TRIP11: variants seen among roughly 807,000 people sequenced by gnomAD.
The protein encoded by TRIP11 is thyroid hormone receptor interactor 11, also known as thyroid receptor-interacting protein 11.
A neutral mutation model predicts 223.1 loss-of-function variants in TRIP11; 148 were observed. The observed-to-expected ratio is 0.66, with a 90% CI of 0.58 to 0.76. The LOEUF (loss-of-function observed/expected upper bound fraction) is 0.76, where lower values mean the gene tolerates loss of function less well. TRIP11 is among the 30% of genes least tolerant of loss of function. The pLI is 0.00. For synonymous variants in TRIP11, 762 were observed against 772.6 expected (o/e 0.99, Z 0.23); for missense variants, 2,043 against 2,222.0 (o/e 0.92, Z 1.62).
chr14:92,033,132 T>C, intron 2 of TRIP11, 60 bp downstream of exon 2: 1 of 1,270,190 alleles, frequency 7.9e-7, no homozygotes, highest in East Asian at 2.3e-5. Context: ...CAAAGTAATG[T>C]TTGAGTAACC....
chr14:91,995,303 A>G, intron 14 of TRIP11, 49 bp downstream of exon 14: 1 of 1,608,714 alleles, frequency 6.2e-7, no homozygotes, highest in South Asian at 1.1e-5. Context: ...AGGCAAAATT[A>G]CCAATAACTA....
At chr14:91,972,433 T>C (rs1383768726) in intron 20 of TRIP11, among the ~76,000 whole-genome samples, 4 of 152,196 alleles carry the variant, frequency 2.6e-5, no homozygotes, top group Admixed American at 6.5e-5. Flanking sequence ...GAATAATTCA[T>C]AGCTGGTTAG....
chr14:92,035,440 A>G (rs1440856901), intron 1 of TRIP11, among the ~76,000 whole-genome samples: 1 of 151,860 alleles, frequency 6.6e-6, no homozygotes, highest in African/African-American at 2.4e-5. Context: ...ACTACAGTTT[A>G]TTAGGAGTGT....
At chr14:92,015,227 C>T (rs912435012) in intron 6 of TRIP11, among the ~76,000 whole-genome samples, 1 of 152,122 alleles carries the variant, frequency 6.6e-6, no homozygotes, top group African/African-American at 2.4e-5. Flanking sequence ...AGCAGAGGTG[C>T]CACTGCAAAT....
At chr14:91,979,644 C>T (rs2056511736) in intron 16 of TRIP11, among the ~76,000 whole-genome samples, 2 of 151,980 alleles carry the variant, frequency 1.3e-5, no homozygotes, top group African/African-American at 4.8e-5. Context: ...TTAGAATGTA[C>T]TCTGATATTT....
rs1245214072 is a variant in TRIP11 at position 92,006,227 on chromosome 14, G to A, written c.1749C>T (p.Asp583=). The A allele has an allele frequency of 5.0e-6, 8 of 1,612,726 alleles. No individual in the cohort carries two copies. The East Asian group carries it at 6.7e-5, about 14-fold the overall frequency. Residue 583 remains aspartate (D), a synonymous_variant, in exon 11 of 21, where the codon GAC becomes GAT. Transcript: ENST00000267622. ...GCTGATCTACTAAATTTTCTACTTT[G>A]TCCTCAAGTTTCTGCTTGGTTAAAT... ...DLHLTKQKLE[D]KVENLVDQLN...
intron 16 of TRIP11, among the ~76,000 whole-genome samples, chr14:91,979,595 A>G (rs1246581423): frequency 6.6e-6 from 1 of 152,160 alleles, no homozygotes; most frequent in Non-Finnish European, 1.5e-5. Flanking sequence ...AGCTAATGTG[A>G]TGTGGAATGC....
intron 15 of TRIP11, among the ~76,000 whole-genome samples, chr14:91,993,534 T>A (rs2056708068): frequency 6.7e-6 from 1 of 149,436 alleles, no homozygotes; most frequent in Non-Finnish European, 1.5e-5. Flanking sequence ...ATAGATTAAT[T>A]TGGGTGTTTT....
At position 92,007,598 on chromosome 14, in the gene TRIP11, T is replaced by G. The variant is rs1566862009; in HGVS notation, c.1527+42A>C. 3 of 1,590,566 alleles carry G rather than the reference T, an allele frequency of 1.9e-6. No homozygotes were observed. In the East Asian group the frequency reaches 6.7e-5, roughly 36 times the overall value. On this transcript the variant is annotated intron_variant, in intron 10 of 20. Transcript: ENST00000267622. ...CCCACCATTTCTGTGTTTAGTTTAC[T>G]TAGTAGAATGTGCTGCCTTACTGTA...
rs2056469147 is a variant in TRIP11, at chr14:91,976,680, A to T, written c.5261-491T>A. Among the ~76,000 whole-genome samples the T allele has an allele frequency of 2.0e-5, 3 of 152,340 alleles. No individual in the cohort carries two copies. The South Asian group carries it at 6.2e-4, about 32-fold the overall frequency. On this transcript the variant is annotated intron_variant, in intron 16 of 20. Transcript: ENST00000267622. ...TGGCTCAGGATGCAGTGGATAGGAC[A>T]AACTATTATGGGGGTAAGGAAATTG...
At position 92,005,863 on chromosome 14, in the gene TRIP11, G is replaced by A. The variant is rs779977215; in HGVS notation, c.2113C>T (p.Leu705=). Reference sequence around the variant, plus strand: ...GTCTCCACAATAGTGTTTTTTTCCAGAGAAAGCTGATTGTTACCAGCAAGA... The same window carrying A: ...GTCTCCACAATAGTGTTTTTTTCCAAAGAAAGCTGATTGTTACCAGCAAGA... ...ECLAGNNQLS[L]EKNTIVETLK... Residue 705 remains leucine, a synonymous_variant, in exon 11 of 21, where the codon CTG becomes TTG. Transcript: ENST00000267622. The A allele has an allele frequency of 6.2e-6, 10 of 1,613,928 alleles. No homozygotes were observed. In the South Asian group the frequency reaches 8.8e-5, roughly 14 times the overall value.
rs557265184 is a variant in TRIP11 at position 91,967,851 on chromosome 14, C to T, written c.*1822G>A. 69 of 198,996 alleles carry T rather than the reference C, an allele frequency of 3.5e-4. 1 individual carries two copies. Among genetic ancestry groups the T allele is most frequent in the Non-Finnish European group, 3.1e-4 (30 of 96,408 alleles). The allele number at this position is 198,996 out of a possible 1,614,324, so 12.3% of individuals were successfully genotyped here. A position where few individuals can be genotyped will look rare whatever the true frequency, so the allele number is the denominator to read the frequency against. ...TATCTTTGTTAGGAGCATATAAAAA[C>T]CAAGGAGTAACAACTCACAGAGAAA... On this transcript the variant is annotated 3_prime_UTR_variant, in exon 21 of 21. Coordinates refer to ENST00000267622, the MANE Select transcript of TRIP11 (RefSeq NM_004239.4).
At chr14:92,016,867 G>A (rs1171326550) in intron 5 of TRIP11, among the ~76,000 whole-genome samples, 2 of 152,032 alleles carry the variant, frequency 1.3e-5, no homozygotes, top group Admixed American at 6.6e-5. Flanking sequence ...TAATAATAAT[G>A]AACCCAAAAC....
At chr14:92,029,964 G>A (rs926480733) in intron 2 of TRIP11, among the ~76,000 whole-genome samples, 13 of 151,950 alleles carry the variant, frequency 8.6e-5, no homozygotes, top group South Asian at 2.1e-4. Context: ...TTGGGAGGCC[G>A]AGGCGGGCGG....
Position 92,006,160 on chromosome 14 carries a change from TCTC to T in TRIP11, c.1813_1815del (p.Glu605del), listed in dbSNP as rs767138169. Reference sequence around the variant, plus strand: ...CTAATATGCTCCTTAAGTTCTAAATTCTCCTTCTGGATGCTTACATTACTTTCT... The same window carrying T: ...CTAATATGCTCCTTAAGTTCTAAATTCTTCTGGATGCTTACATTACTTTCT... On this transcript the variant is annotated inframe_deletion, in exon 11 of 21. Coordinates refer to ENST00000267622, the MANE Select transcript of TRIP11 (RefSeq NM_004239.4). The T allele has an allele frequency of 6.2e-7, 1 of 1,613,152 alleles. No homozygotes were observed. The highest frequency in any genetic ancestry group is 8.5e-7 in the Non-Finnish European group (1 of 1,179,788).
chr14:91,995,426 A>G lies in TRIP11; in HGVS notation c.4982T>C (p.Val1661Ala). The change falls in exon 14 of 21, where the codon GTC becomes GCC. Residue 1661 changes from valine (V) to alanine (A), a missense_variant. Physicochemically the swap from Val to Ala is moderately conservative, Grantham distance 64. Transcript: ENST00000267622. Reference sequence around the variant, plus strand: ...ATACTGCTTTACTTGTTCCTGAGAGACAGAAAGCTGCAGCGCAGTTTCATC... The same window carrying G: ...ATACTGCTTTACTTGTTCCTGAGAGGCAGAAAGCTGCAGCGCAGTTTCATC... Reference protein sequence around the residue: ...QRDETALQLSVSQEQVKQYAL... With the variant: ...QRDETALQLSASQEQVKQYAL... 1 of 1,614,118 alleles carries G rather than the reference A, an allele frequency of 6.2e-7. No individual in the cohort carries two copies. The highest frequency in any genetic ancestry group is 8.5e-7 in the Non-Finnish European group (1 of 1,180,012).
chr14:92,028,741 A>G (rs928796690), intron 2 of TRIP11, among the ~76,000 whole-genome samples: 4 of 152,206 alleles, frequency 2.6e-5, no homozygotes, highest in African/African-American at 9.6e-5. Context: ...ACAAATGAAA[A>G]GAGAGACAGA....
Position 92,004,241 on chromosome 14 carries a change from C to G in TRIP11, c.3735G>C (p.Glu1245Asp), listed in dbSNP as rs1029016154. The G allele has an allele frequency of 6.2e-7, 1 of 1,614,102 alleles. No homozygotes were observed. ...AAACCTGTGCTTGAAGTTGGTGAAG[C>G]TCTTCCTGAAGCTGGGCTGACTCGT... ...MQHESAQLQE[E>D]LHQLQAQVLV... The change falls in exon 11 of 21, where the codon GAG (glutamate) becomes GAC (aspartate). Residue 1245 changes from glutamate (E) to aspartate (D), a missense_variant. Coordinates refer to ENST00000267622, the MANE Select transcript of TRIP11 (RefSeq NM_004239.4).
chr14:92,011,470 C>T (rs1442564331), intron 8 of TRIP11, among the ~76,000 whole-genome samples: 1 of 94,968 alleles, frequency 1.1e-5, no homozygotes, highest in Admixed American at 1.8e-4. Flanking sequence ...GGTGACAGAG[C>T]AAGACTCCGT....
Sources: gnomAD v4.1 joint callset for allele counts (sites outside exome capture counted in the v4.1 genomes callset) on GRCh38, gnomAD v4.1.1 for gene constraint, MANE v1.5 for transcripts, NCBI Gene and HGNC (gene_info 2026-07-23, HGNC 2026-07-21) for gene names.